Variants in CALB1 observed in about 807,000 individuals in gnomAD.
CALB1 encodes calbindin.
A neutral mutation model predicts 46.7 loss-of-function variants in CALB1; 16 were observed. The observed-to-expected ratio is 0.34, with a 90% confidence interval of 0.23 to 0.52. CALB1 has a LOEUF of 0.52. Among genes scored for constraint, CALB1 ranks in the 20% least tolerant of loss-of-function variants. CALB1 has a pLI of 0.95. For missense variants in CALB1, 224 were observed against 300.3 expected (o/e 0.75, Z 1.88); for synonymous variants, 90 against 112.8 (o/e 0.80, Z 1.28).
chr8:90,081,844 C>T (rs1051206425), intron 2 of CALB1, among the ~76,000 whole-genome samples, 182 bp downstream of exon 2: 1 of 151,472 alleles, frequency 6.6e-6, no homozygotes, highest in Non-Finnish European at 1.5e-5. Flanking sequence ...TTCTCAGTCT[C>T]TTTCCCCTTT....
chr8:90,071,516 C>G (rs546260185), intron 3 of CALB1, among the ~76,000 whole-genome samples: 1 of 152,056 alleles, frequency 6.6e-6, no homozygotes, highest in Non-Finnish European at 1.5e-5. Flanking sequence ...CTGGCCTCTT[C>G]TATAATAATA....
chr8:90,080,212 G>C (rs1404292764), intron 2 of CALB1, among the ~76,000 whole-genome samples: 1 of 151,734 alleles, frequency 6.6e-6, no homozygotes, highest in Non-Finnish European at 1.5e-5. Flanking sequence ...CTAATAATTG[G>C]AGCTTTGAAT....
At chr8:90,082,535 G>A in intron 1 of CALB1, 84 bp downstream of exon 1, 4 of 1,061,960 alleles carry the variant, frequency 3.8e-6, no homozygotes, top group Admixed American at 1.7e-5. Context: ...AGGGATAATG[G>A]GATCAGGAGG....
At chr8:90,075,156 A>G (rs1814602381) in intron 3 of CALB1, among the ~76,000 whole-genome samples, 1 of 152,222 alleles carries the variant, frequency 6.6e-6, no homozygotes, top group Admixed American at 6.5e-5. Flanking sequence ...AGAAAGAAAC[A>G]TATTTGTTTC....
chr8:90,081,851 C>T (rs1814738569), intron 2 of CALB1, among the ~76,000 whole-genome samples, 175 bp downstream of exon 2: 1 of 151,556 alleles, frequency 6.6e-6, no homozygotes, highest in Admixed American at 6.6e-5. Context: ...TCTCTTTCCC[C>T]TTTCCCATTT....
chr8:90,063,387 T>C lies in CALB1; in HGVS notation c.506+19A>G. On this transcript the variant is annotated intron_variant, in intron 7 of 10. Coordinates refer to ENST00000265431, the MANE Select transcript of CALB1 (RefSeq NM_004929.4). ...GAAAAGGATCCACTTACAATATTTT[T>C]CATGGTTCCTAAACTCACCTGGCCA... 1 of 1,603,328 alleles carries C rather than the reference T, an allele frequency of 6.2e-7. No individual in the cohort carries two copies. Among genetic ancestry groups the C allele is most frequent in the Non-Finnish European group, 8.5e-7 (1 of 1,172,000 alleles).
intron 1 of CALB1, chr8:90,082,414 T>C: frequency 1.6e-6 from 1 of 616,230 alleles, no homozygotes; most frequent in Non-Finnish European, 2.9e-6. Flanking sequence ...TTTAAGGTTT[T>C]GGGATTACGG....
In CALB1 at chr8:90,060,693, T is replaced by C. The variant is rs1416517339; in HGVS notation, c.608A>G (p.Asn203Ser). 1.2e-5 allele frequency: 19 copies of C among 1,612,710 alleles called. No homozygotes were observed. The highest frequency in any genetic ancestry group is 1.6e-5 in the Non-Finnish European group (19 of 1,178,856). Residue 203 changes from asparagine (N) to serine (S), a missense_variant, in exon 10 of 11, where the codon AAT (asparagine) becomes AGT (serine). Transcript: ENST00000265431. ...CAGTTCATTTTCATCTATGTATCCA[T>C]TGCCGTCCTGGGGGAGGAGAAATAA... ...KAFELYDQDG[N>S]GYIDENELDA...
In CALB1 at chr8:90,060,835, C is replaced by A. The variant is rs1199216648; in HGVS notation, c.601-135G>T. On this transcript the variant is annotated intron_variant, in intron 9 of 10. Coordinates refer to ENST00000265431, the MANE Select transcript of CALB1 (RefSeq NM_004929.4). ...TGGCAGATAATCTGTTATGTCAGGC[C>A]ACCCAAGTTTTTAGCTGCTCCAAAG... is the stretch of plus-strand genomic sequence containing the variant. The A allele has an allele frequency of 4.0e-6, 3 of 747,956 alleles. No homozygotes were observed. In the African/African-American group the frequency reaches 5.2e-5, roughly 13 times the overall value. The allele number at this position is 747,956 out of a possible 1,614,324, so 46.3% of individuals were successfully genotyped here.
intron 7 of CALB1, 42 bp downstream of exon 7, chr8:90,063,364 A>G (rs2130221755): frequency 6.3e-7 from 1 of 1,584,722 alleles, no homozygotes. Flanking sequence ...CATTTTTTGA[A>G]AAGGATCCAC....
At chr8:90,077,765 C>G (rs1321537668) in intron 3 of CALB1, among the ~76,000 whole-genome samples, 1 of 152,042 alleles carries the variant, frequency 6.6e-6, no homozygotes, top group Non-Finnish European at 1.5e-5. Context: ...GTGACACCCA[C>G]AGTTTTAACT....
chr8:90,064,587 G>A (rs1814356793), intron 6 of CALB1: 1 of 151,818 alleles, frequency 6.6e-6, no homozygotes, highest in East Asian at 1.9e-4. Flanking sequence ...TACCTGGAAA[G>A]GAGCCTTTCT....
chr8:90,069,996 A>T (rs1342003609), intron 3 of CALB1, among the ~76,000 whole-genome samples: 2 of 151,740 alleles, frequency 1.3e-5, no homozygotes, highest in African/African-American at 4.8e-5. Context: ...TTTGGAAGAA[A>T]AAAGGATTCC....
intron 3 of CALB1, 38 bp downstream of exon 3, chr8:90,078,335 T>C: frequency 7.8e-7 from 1 of 1,282,822 alleles, no homozygotes; most frequent in Non-Finnish European, 1.1e-6. Flanking sequence ...GAAACTCATT[T>C]ATTAAAATTA....
At chr8:90,075,230 TTAAC>T (rs1814604198) in intron 3 of CALB1, among the ~76,000 whole-genome samples, 1 of 152,206 alleles carries the variant, frequency 6.6e-6, no homozygotes, top group South Asian at 2.1e-4. Flanking sequence ...ACTTTGAAAG[TTAAC>T]CATTACATTT....
At chr8:90,069,955 A>T (rs1220859782) in intron 3 of CALB1, among the ~76,000 whole-genome samples, 1 of 151,138 alleles carries the variant, frequency 6.6e-6, no homozygotes, top group Admixed American at 6.6e-5. Context: ...ATCTCATTTC[A>T]AAACTTCAAT....
At chr8:90,065,032 T>C (rs1814367105) in intron 6 of CALB1, among the ~76,000 whole-genome samples, 1 of 151,844 alleles carries the variant, frequency 6.6e-6, no homozygotes, top group Non-Finnish European at 1.5e-5. Context: ...TTTTATAGTA[T>C]AGAGCCATGT....
chr8:90,077,448 T>C (rs908533718), intron 3 of CALB1, among the ~76,000 whole-genome samples: 8 of 152,088 alleles, frequency 5.3e-5, no homozygotes, highest in African/African-American at 1.7e-4. Flanking sequence ...TCCAGAATAC[T>C]TCACAATCTA....
intron 1 of CALB1, chr8:90,082,399 A>T (rs936258338): frequency 2.0e-5 from 12 of 610,056 alleles, no homozygotes; most frequent in Non-Finnish European, 2.9e-5. Context: ...CTGGAAAGAC[A>T]AAAGTTTAAG....
Sources: allele counts gnomAD v4.1 joint callset (sites outside exome capture counted in the v4.1 genomes callset), GRCh38; gene constraint gnomAD v4.1.1; transcripts MANE v1.5; gene names NCBI Gene and HGNC (gene_info 2026-07-23, HGNC 2026-07-21).